The following SLC24A4 variants were observed in gnomAD, a reference collection of about 807,000 sequenced individuals.
SLC24A4 encodes sodium/potassium/calcium exchanger 4.
Under a neutral mutation model 79.0 loss-of-function variants are expected in SLC24A4, and 53 were observed. That is an observed-to-expected ratio of 0.67 (90% CI 0.54 to 0.84). The LOEUF is 0.84. Among genes scored for constraint, SLC24A4 ranks in the 40% least tolerant of loss-of-function variants. SLC24A4 has a pLI of 0.00. For synonymous variants in SLC24A4, 323 were observed against 323.8 expected (o/e 1.00, Z 0.03); for missense variants, 731 against 822.0 (o/e 0.89, Z 1.35).
At chr14:92,416,153 C>T (rs1277492782) in intron 2 of SLC24A4, among the ~76,000 whole-genome samples, 2 of 135,182 alleles carry the variant, frequency 1.5e-5, no homozygotes. Context: ...GTGTGTGTGT[C>T]GGCCAGTGAC....
rs1896132197 is a variant in SLC24A4, at chr14:92,500,804, A to C, written c.*7176A>C. 1 of 152,310 alleles carries C rather than the reference A, an allele frequency of 6.6e-6. No homozygotes were observed. The highest frequency in any genetic ancestry group is 2.1e-4 in the South Asian group (1 of 4,836). The allele number at this position is 152,310 out of a possible 1,614,324, so 9.4% of individuals were successfully genotyped here. ...CTGTGTCTCCTGCCCAGCAGCCGCC[A>C]GCAGGGAATAGTTGCTGGTGTCTGA... On this transcript the variant is annotated 3_prime_UTR_variant, in exon 17 of 17. Transcript: ENST00000532405.
intron 2 of SLC24A4, among the ~76,000 whole-genome samples, chr14:92,363,950 C>T (rs1034602640): frequency 6.6e-6 from 1 of 152,178 alleles, no homozygotes; most frequent in African/African-American, 2.4e-5. Flanking sequence ...GCCACGCCGA[C>T]CCACACAATG....
At chr14:92,332,487 G>C (rs1009346191) in intron 2 of SLC24A4, among the ~76,000 whole-genome samples, 3 of 152,136 alleles carry the variant, frequency 2.0e-5, no homozygotes, top group Non-Finnish European at 4.4e-5. Context: ...GCAACAGAGG[G>C]AGACCCTGTC....
At chr14:92,355,182 G>A (rs572541134) in intron 2 of SLC24A4, among the ~76,000 whole-genome samples, 16 of 152,348 alleles carry the variant, frequency 1.1e-4, no homozygotes, top group African/African-American at 3.8e-4. Context: ...CATCTAGGCT[G>A]TCCTGCAGAG....
intron 2 of SLC24A4, among the ~76,000 whole-genome samples, chr14:92,402,285 C>T (rs565503692): frequency 6.6e-6 from 1 of 152,232 alleles, no homozygotes; most frequent in East Asian, 1.9e-4. Flanking sequence ...GAAAGCCATC[C>T]ACTTTCTAAT....
chr14:92,342,390 T>TTATG (rs1399089167), intron 2 of SLC24A4, among the ~76,000 whole-genome samples: 9 of 151,536 alleles, frequency 5.9e-5, no homozygotes, highest in Non-Finnish European at 1.0e-4. Flanking sequence ...ATTTATTTAT[T>TTATG]TATTTATTTT....
chr14:92,453,722 A>G (rs564067871), intron 10 of SLC24A4, 178 bp from the exon 11 acceptor site: 18 of 566,174 alleles, frequency 3.2e-5, no homozygotes, highest in African/African-American at 2.9e-4. Flanking sequence ...TTTCAAAGCT[A>G]GTGACCCACT....
At chr14:92,391,045 G>C (rs986313434) in intron 2 of SLC24A4, among the ~76,000 whole-genome samples, 1 of 152,216 alleles carries the variant, frequency 6.6e-6, no homozygotes, top group Non-Finnish European at 1.5e-5. Flanking sequence ...AAAGGCACCT[G>C]CTGCTGGGCT....
At chr14:92,427,594 C>T (rs1220540917) in intron 2 of SLC24A4, among the ~76,000 whole-genome samples, 2 of 152,176 alleles carry the variant, frequency 1.3e-5, no homozygotes, top group Non-Finnish European at 2.9e-5. Flanking sequence ...GACTCAAGAG[C>T]AGATCAGCAG....
chr14:92,494,878 C>T lies in SLC24A4; in HGVS notation c.*1250C>T, dbSNP rs530705081. ...AGATAGAAAAATATAAAATAATCTT[C>T]GACCACTTGATAGCTCTCAAATATA... On this transcript the variant is annotated 3_prime_UTR_variant, in exon 17 of 17. Coordinates refer to ENST00000532405, the MANE Select transcript of SLC24A4 (RefSeq NM_153646.4). The surrounding 1 kb of genome is among the most constrained non-coding windows in gnomAD (Gnocchi z 4.6). The T allele has an allele frequency of 9.2e-5, 14 of 152,656 alleles. No individual in the cohort carries two copies. The East Asian group carries it at 1.3e-3, about 15-fold the overall frequency. The allele number at this position is 152,656 out of a possible 1,614,324, so 9.5% of individuals were successfully genotyped here. A position where few individuals can be genotyped will look rare whatever the true frequency, so the allele number is the denominator to read the frequency against.
chr14:92,422,735 G>A (rs1236403839), intron 2 of SLC24A4, among the ~76,000 whole-genome samples: 1 of 152,188 alleles, frequency 6.6e-6, no homozygotes, highest in Non-Finnish European at 1.5e-5. Context: ...AAACTCAGTG[G>A]TACTTGTGTT....
Position 92,361,160 on chromosome 14 carries a change from G to A in SLC24A4, c.241+35182G>A, listed in dbSNP as rs572471528. ...CATTGCAGAAGGCTTTCCTGCAGTTGGCATCATTCCCCACATGTTTCTCAT... is the reference window on the plus strand; with the variant it reads ...CATTGCAGAAGGCTTTCCTGCAGTTAGCATCATTCCCCACATGTTTCTCAT... On this transcript the variant is annotated intron_variant, in intron 2 of 16. Transcript: ENST00000532405. 2.6e-5 allele frequency among the ~76,000 whole-genome samples: 4 copies of A among 151,824 alleles called. No homozygotes were observed. In the South Asian group the frequency reaches 8.3e-4, roughly 32 times the overall value.
At chr14:92,327,415 C>A (rs1263412198) in intron 2 of SLC24A4, among the ~76,000 whole-genome samples, 1 of 152,148 alleles carries the variant, frequency 6.6e-6, no homozygotes, top group Admixed American at 6.6e-5. Flanking sequence ...GACATGTGGG[C>A]CGACTGATAT....
At chr14:92,478,750 A>G (rs753515979) in intron 12 of SLC24A4, among the ~76,000 whole-genome samples, 2 of 150,742 alleles carry the variant, frequency 1.3e-5, no homozygotes, top group Non-Finnish European at 2.9e-5. Flanking sequence ...GCTACCTGGG[A>G]TTTTGATAGG....
Position 92,494,019 on chromosome 14 carries a change from T to C in SLC24A4, c.*391T>C, listed in dbSNP as rs115998320. On this transcript the variant is annotated 3_prime_UTR_variant, in exon 17 of 17. Transcript: ENST00000532405. The surrounding 1 kb of genome is among the most constrained non-coding windows in gnomAD (Gnocchi z 4.6). ...GGTCATTTGTGAGCACAAGATCTCA[T>C]AGGGCAGGTGCAAAATAGGAATGTT... 1,660 of 186,024 alleles carry C rather than the reference T, an allele frequency of 8.9e-3. 20 individuals carry two copies. The highest frequency in any genetic ancestry group is 0.037 in the African/African-American group (1,578 of 42,692). The allele number at this position is 186,024 out of a possible 1,614,324, so 11.5% of individuals were successfully genotyped here.
intron 2 of SLC24A4, among the ~76,000 whole-genome samples, chr14:92,346,407 C>G (rs1424353748): frequency 6.6e-6 from 1 of 152,186 alleles, no homozygotes; most frequent in East Asian, 1.9e-4. Flanking sequence ...TCCTCAGTCT[C>G]TTACGCAGGA....
chr14:92,390,466 C>T (rs1404965044), intron 2 of SLC24A4, among the ~76,000 whole-genome samples: 2 of 152,166 alleles, frequency 1.3e-5, no homozygotes, highest in African/African-American at 4.8e-5. Context: ...TAAAGCATGG[C>T]TCTCCTTCCA....
At chr14:92,406,860 GCTC>G (rs1890414125) in intron 2 of SLC24A4, among the ~76,000 whole-genome samples, 1 of 152,154 alleles carries the variant, frequency 6.6e-6, no homozygotes, top group Non-Finnish European at 1.5e-5. Context: ...TTAACATTCA[GCTC>G]CTCTTTACTA....
intron 2 of SLC24A4, among the ~76,000 whole-genome samples, chr14:92,406,499 C>A (rs10146787): frequency 0.3 from 45,626 of 152,098 alleles, 6,984 homozygotes; most frequent in Non-Finnish European, 0.32. Flanking sequence ...CCCCTGCAGC[C>A]GACTTCTGCC....
Sources: allele counts gnomAD v4.1 joint callset (sites outside exome capture counted in the v4.1 genomes callset), GRCh38; gene constraint gnomAD v4.1.1; non-coding constraint Gnocchi (gnomAD v3.1); transcripts MANE v1.5; gene names NCBI Gene and HGNC (gene_info 2026-07-23, HGNC 2026-07-21).